The following CLMP variants were observed in gnomAD, a reference collection of about 807,000 sequenced individuals.
The protein encoded by CLMP is CXADR like cell adhesion molecule, also known as CXADR-like membrane protein.
In CLMP, 27 loss-of-function variants were observed where a neutral mutation model predicts 45.2. The observed-to-expected ratio is 0.60, with a 90% CI of 0.44 to 0.82. The LOEUF (loss-of-function observed/expected upper bound fraction) is 0.82, where lower values mean the gene tolerates loss of function less well. CLMP is among the 40% of genes least tolerant of loss of function. The pLI is 0.00. For missense variants in CLMP, 403 were observed against 448.4 expected (o/e 0.90, Z 0.91); for synonymous variants, 167 against 171.4 (o/e 0.97, Z 0.20).
chr11:123,139,867 T>A (rs563949235), intron 1 of CLMP, among the ~76,000 whole-genome samples: 63 of 149,960 alleles, frequency 4.2e-4, no homozygotes, highest in African/African-American at 1.5e-3. Flanking sequence ...AAATAAAAAA[T>A]ATAAAATAAA....
chr11:123,092,799 C>T (rs1865947992), intron 2 of CLMP, among the ~76,000 whole-genome samples: 1 of 151,072 alleles, frequency 6.6e-6, no homozygotes, highest in Non-Finnish European at 1.5e-5. Context: ...GGGGTTTCAC[C>T]ATATTGGTCA....
chr11:123,183,247 G>C (rs75093728), intron 1 of CLMP, among the ~76,000 whole-genome samples: 6,512 of 152,006 alleles, frequency 0.043, 310 homozygotes, highest in Admixed American at 0.11. Context: ...TTGTTTGTTT[G>C]TTTGACAGAG....
At chr11:123,085,146 G>A (rs1024623687) in intron 2 of CLMP, among the ~76,000 whole-genome samples, 1 of 151,000 alleles carries the variant, frequency 6.6e-6, no homozygotes, top group African/African-American at 2.4e-5. Context: ...AGGGAAGGTC[G>A]AGCTTGGAAC....
intron 1 of CLMP, among the ~76,000 whole-genome samples, chr11:123,107,378 A>C (rs975855997): frequency 6.7e-6 from 1 of 148,742 alleles, no homozygotes; most frequent in African/African-American, 2.5e-5. Context: ...TTATAGGCGC[A>C]TGCCACCACA....
In CLMP at chr11:123,171,740, G is replaced by C. The variant is rs118004753; in HGVS notation, c.28+23173C>G. On this transcript the variant is annotated intron_variant, in intron 1 of 6. Coordinates refer to ENST00000448775, the MANE Select transcript of CLMP (RefSeq NM_024769.5). ...ATTGCAGGCATGAGCCACCGCGCTCGGCCTGTTGGAAGACTGTCGTACTAA... is the reference window on the plus strand; with the variant it reads ...ATTGCAGGCATGAGCCACCGCGCTCCGCCTGTTGGAAGACTGTCGTACTAA... 3.9e-3 allele frequency among the ~76,000 whole-genome samples: 600 copies of C among 152,014 alleles called. 26 individuals carry two copies. The East Asian group carries it at 0.099, about 25-fold the overall frequency.
intron 5 of CLMP, among the ~76,000 whole-genome samples, chr11:123,079,020 C>T (rs924228871): frequency 6.6e-6 from 1 of 152,104 alleles, no homozygotes; most frequent in African/African-American, 2.4e-5. Flanking sequence ...TCAGGTGATG[C>T]GCCCAGCTTG....
intron 1 of CLMP, among the ~76,000 whole-genome samples, chr11:123,194,059 C>G (rs1861944736): frequency 6.6e-6 from 1 of 152,024 alleles, no homozygotes; most frequent in Non-Finnish European, 1.5e-5. Context: ...TCAGACATTT[C>G]CAGTCACTCC....
At chr11:123,075,204 T>A (rs1369286997) in intron 5 of CLMP, among the ~76,000 whole-genome samples, 2 of 152,144 alleles carry the variant, frequency 1.3e-5, no homozygotes, top group Non-Finnish European at 2.9e-5. Context: ...TCCACCAGAC[T>A]CAGCCTCCGA....
chr11:123,104,003 T>C (rs904985024), intron 1 of CLMP, among the ~76,000 whole-genome samples: 1 of 151,720 alleles, frequency 6.6e-6, no homozygotes, highest in African/African-American at 2.4e-5. Flanking sequence ...CTAATTTTTG[T>C]ATTTTTAGTA....
At chr11:123,137,727 CT>C (rs1404423272) in intron 1 of CLMP, among the ~76,000 whole-genome samples, 2 of 152,138 alleles carry the variant, frequency 1.3e-5, no homozygotes, top group African/African-American at 2.4e-5. Context: ...CCAGGCCCAG[CT>C]CCTCGCAAAC....
chr11:123,096,892 C>G (rs989154961), intron 2 of CLMP, among the ~76,000 whole-genome samples: 29 of 152,108 alleles, frequency 1.9e-4, no homozygotes, highest in African/African-American at 6.8e-4. Flanking sequence ...CTCACTGCAG[C>G]CTTGACCTCC....
chr11:123,155,319 T>C (rs771911475), intron 1 of CLMP, among the ~76,000 whole-genome samples: 1 of 152,188 alleles, frequency 6.6e-6, no homozygotes, highest in East Asian at 1.9e-4. Flanking sequence ...TCTGGCATTC[T>C]AGAATTCTTG....
chr11:123,128,821 T>A (rs966502555), intron 1 of CLMP, among the ~76,000 whole-genome samples: 1 of 152,220 alleles, frequency 6.6e-6, no homozygotes, highest in African/African-American at 2.4e-5. Flanking sequence ...TAGCTACTTA[T>A]ATGGAACACT....
At chr11:123,115,136 G>T (rs565639152) in intron 1 of CLMP, among the ~76,000 whole-genome samples, 20 of 152,170 alleles carry the variant, frequency 1.3e-4, no homozygotes, top group Admixed American at 2.0e-4. Flanking sequence ...GAATCTCCTA[G>T]GCTCAAGCGA....
chr11:123,162,537 G>A (rs867671682), intron 1 of CLMP, among the ~76,000 whole-genome samples: 11 of 152,130 alleles, frequency 7.2e-5, no homozygotes, highest in South Asian at 4.1e-4. Flanking sequence ...GCAAGACACC[G>A]TCAGAGGTGC....
chr11:123,073,220 T>G lies in CLMP; in HGVS notation c.*254A>C. 1 of 379,520 alleles carries G rather than the reference T, an allele frequency of 2.6e-6. No individual in the cohort carries two copies. Among genetic ancestry groups the G allele is most frequent in the Non-Finnish European group, 4.7e-6 (1 of 212,794 alleles). The allele number at this position is 379,520 out of a possible 1,614,324, so 23.5% of individuals were successfully genotyped here. On this transcript the variant is annotated 3_prime_UTR_variant, in exon 7 of 7. Transcript: ENST00000448775. The stretch of plus-strand genomic sequence containing the variant: ...CACAGGTCCTGGTCAACAAATAGAT[T>G]TGGACTCCTGCTTTCCCTTACTCTG...
At chr11:123,124,360 C>G (rs1016784213) in intron 1 of CLMP, among the ~76,000 whole-genome samples, 25 of 152,076 alleles carry the variant, frequency 1.6e-4, no homozygotes, top group Non-Finnish European at 3.2e-4. Context: ...TGAGATTAAT[C>G]CAGAGGCAAG....
intron 1 of CLMP, among the ~76,000 whole-genome samples, chr11:123,107,989 C>G (rs1340554274): frequency 6.6e-6 from 1 of 152,024 alleles, no homozygotes; most frequent in Non-Finnish European, 1.5e-5. Context: ...AGGAAGACTG[C>G]AGTGAGTAAG....
At chr11:123,157,919 C>A (rs1200351898) in intron 1 of CLMP, among the ~76,000 whole-genome samples, 8 of 151,958 alleles carry the variant, frequency 5.3e-5, no homozygotes, top group Non-Finnish European at 1.2e-4. Flanking sequence ...ATTTTGGAAC[C>A]AACACAGTAC....
Sources: allele counts gnomAD v4.1 joint callset (sites outside exome capture counted in the v4.1 genomes callset), GRCh38; gene constraint gnomAD v4.1.1; transcripts MANE v1.5; gene names NCBI Gene and HGNC (gene_info 2026-07-23, HGNC 2026-07-21).